Variants in FREM1 observed in about 807,000 individuals in gnomAD.
The protein encoded by FREM1 is FRAS1-related extracellular matrix protein 1.
Under a neutral mutation model 210.1 loss-of-function variants are expected in FREM1, and 220 were observed. That is an observed-to-expected ratio of 1.05 (90% CI 0.94 to 1.17). The LOEUF (loss-of-function observed/expected upper bound fraction) is 1.17. FREM1 is among the 50% of genes most tolerant of loss of function. The pLI, the probability that FREM1 is intolerant of heterozygous loss-of-function variation, is 0.00. For synonymous variants in FREM1, 1,189 were observed against 980.2 expected (o/e 1.21, Z -3.98); for missense variants, 3,454 against 2,675.5 (o/e 1.29, Z -6.42).
intron 6 of FREM1, among the ~76,000 whole-genome samples, chr9:14,850,175 T>C (rs184234261): frequency 6.6e-6 from 1 of 152,182 alleles, no homozygotes; most frequent in African/African-American, 2.4e-5. Flanking sequence ...AGCACTATTA[T>C]GTGGAAGACT....
At position 14,859,184 on chromosome 9, in the gene FREM1, G is replaced by C; in HGVS notation, c.630C>G (p.Ser210=). Residue 210 remains serine, a splice_region_variant and synonymous_variant, in exon 4 of 37, where the codon TCC becomes TCG. Transcript: ENST00000380880. ...GAAAGGCATTAAAAGACATCATACG[G>C]GACTCTGGGAAAAAACTGTGTGGCT... ...GDQPHSFFPE[S]QLRAKLKCPG... The C allele has an allele frequency of 6.4e-7, 1 of 1,571,852 alleles. No homozygotes were observed.
At position 14,882,637 on chromosome 9, in the gene FREM1, TA is replaced by T. The variant is rs543718092; in HGVS notation, c.-267-13394del. 9.0e-3 allele frequency among the ~76,000 whole-genome samples: 1,366 copies of T among 151,464 alleles called. 23 individuals are homozygous for T. Among genetic ancestry groups the T allele is most frequent in the African/African-American group, 0.031 (1,286 of 41,322 alleles). On this transcript the variant is annotated intron_variant, in intron 1 of 36. Coordinates refer to ENST00000380880, the MANE Select transcript of FREM1 (RefSeq NM_001379081.2). ...GCCTGGCTAATTTTTGTATTATTTTTAGTAGAGATGGGGTTTCACCATGTTG... is the reference window on the plus strand; with the variant it reads ...GCCTGGCTAATTTTTGTATTATTTTTGTAGAGATGGGGTTTCACCATGTTG...
intron 10 of FREM1, among the ~76,000 whole-genome samples, chr9:14,840,250 T>C (rs1319115720): frequency 2.0e-5 from 3 of 152,208 alleles, no homozygotes; most frequent in Admixed American, 2.0e-4. Context: ...GGAAATTTGC[T>C]TGGATCCATA....
chr9:14,819,183 C>G, intron 14 of FREM1, 51 bp downstream of exon 14: 2 of 1,328,866 alleles, frequency 1.5e-6, no homozygotes, highest in Non-Finnish European at 2.1e-6. Flanking sequence ...CACAACTGAT[C>G]TAGATAAGAA....
Position 14,808,068 on chromosome 9 carries a change from C to A in FREM1, c.2960G>T (p.Gly987Val). Residue 987 changes from glycine (G) to valine (V), a missense_variant, in exon 17 of 37, where the codon GGC becomes GTC. Physicochemically the swap from Gly to Val is moderately radical, Grantham distance 109. Coordinates refer to ENST00000380880, the MANE Select transcript of FREM1 (RefSeq NM_001379081.2). ...ITLVVSDGEA[G>V]PFVNGCCYNG... is the part of the protein sequence containing the mutation. ...GTAGCAACAGCCATTCACAAAAGGG[C>A]CAGCCTCTCCATCCGAAACCACCAA... 1 of 1,613,442 alleles carries A rather than the reference C, an allele frequency of 6.2e-7. No homozygotes were observed. The highest frequency in any genetic ancestry group is 1.3e-5 in the African/African-American group (1 of 74,994).
rs768144478 is a variant in FREM1 at position 14,825,007 on chromosome 9, T to A, written c.1882-15A>T. 6.5e-7 allele frequency: 1 copy of A among 1,548,774 alleles called. No homozygotes were observed. The highest frequency in any genetic ancestry group is 1.3e-5 in the South Asian group (1 of 79,046). On this transcript the variant is annotated splice_polypyrimidine_tract_variant and intron_variant, in intron 10 of 36. Transcript: ENST00000380880. ...ATTGTTGCCACCTGGAATAAAAATGTCTGTACCATTAATTTGAAATACCAA... is the reference window on the plus strand; with the variant it reads ...ATTGTTGCCACCTGGAATAAAAATGACTGTACCATTAATTTGAAATACCAA...
intron 31 of FREM1, 76 bp downstream of exon 31, chr9:14,748,325 A>T: frequency 2.3e-6 from 2 of 856,884 alleles, no homozygotes; most frequent in Non-Finnish European, 3.7e-6. Flanking sequence ...TCAGTGTTTC[A>T]GAATACTTAT....
intron 11 of FREM1, 26 bp downstream of exon 11, chr9:14,824,770 A>G (rs1446537889): frequency 1.3e-6 from 2 of 1,549,622 alleles, no homozygotes; most frequent in Non-Finnish European, 1.8e-6. Flanking sequence ...TAGAACTAGT[A>G]GCCCAAATGG....
In FREM1 at chr9:14,852,984, T is replaced by C. The variant is rs572245478; in HGVS notation, c.829-1377A>G. Among the ~76,000 whole-genome samples the C allele has an allele frequency of 3.2e-4, 48 of 152,262 alleles. No homozygotes were observed. The South Asian group carries it at 8.5e-3, about 27-fold the overall frequency. On this transcript the variant is annotated intron_variant, in intron 5 of 36. Coordinates refer to ENST00000380880, the MANE Select transcript of FREM1 (RefSeq NM_001379081.2). ...GAACTTTCTTGCCCATATAAGAATA[T>C]AAAAAGATTGAGAAAGGTAAGAAAA...
intron 27 of FREM1, among the ~76,000 whole-genome samples, chr9:14,763,111 A>G (rs979981684): frequency 6.6e-6 from 1 of 152,184 alleles, no homozygotes. Flanking sequence ...TGTGTAACCC[A>G]TGTGGCAATC....
Position 14,823,292 on chromosome 9 carries a change from G to T in FREM1, c.2205C>A (p.Pro735=), listed in dbSNP as rs369807134. 2 of 1,613,824 alleles carry T rather than the reference G, an allele frequency of 1.2e-6. No individual in the cohort carries two copies. Among genetic ancestry groups the T allele is most frequent in the South Asian group, 1.1e-5 (1 of 91,058 alleles). Residue 735 remains proline (P), a synonymous_variant, in exon 13 of 37, where the codon CCC becomes CCA. Coordinates refer to ENST00000380880, the MANE Select transcript of FREM1 (RefSeq NM_001379081.2). The part of the protein sequence containing the change: ...AVNYMKVAYM[P]PMQDIGPHCR... ...AATGGGGACCAATGTCTTGCATGGG[G>T]GGCATGTAGGCCACTTTCATATAGT...
At chr9:14,799,952 C>G in intron 20 of FREM1, among the ~76,000 whole-genome samples, 1 of 123,078 alleles carries the variant, frequency 8.1e-6, no homozygotes, top group South Asian at 3.3e-4. Flanking sequence ...CCCCCCTCCC[C>G]CCACCCCACA....
rs1020533477 is a variant in FREM1 at position 14,740,360 on chromosome 9, T to A, written c.6255-126A>T. On this transcript the variant is annotated intron_variant, in intron 35 of 36. Transcript: ENST00000380880. ...AAAGTAGGTCTTTAAAAAAACTTTC[T>A]AAGATTTTAATAGTGCAGTTTTATT... The A allele has an allele frequency of 1.6e-5, 11 of 683,702 alleles. No homozygotes were observed. In the Admixed American group the frequency reaches 1.9e-4, roughly 12 times the overall value. 42.4% of individuals were successfully genotyped at this position (683,702 alleles called of 1,614,324 possible).
At chr9:14,904,618 T>G (rs1310706341) in intron 1 of FREM1, among the ~76,000 whole-genome samples, 2 of 152,228 alleles carry the variant, frequency 1.3e-5, no homozygotes, top group Non-Finnish European at 2.9e-5. Flanking sequence ...AGGGAGAATG[T>G]GTGAAAGTCT....
At chr9:14,827,054 T>A (rs924844253) in intron 10 of FREM1, among the ~76,000 whole-genome samples, 2 of 152,166 alleles carry the variant, frequency 1.3e-5, no homozygotes, top group African/African-American at 4.8e-5. Flanking sequence ...GCTTTAGAAC[T>A]GGGTAATGGG....
intron 11 of FREM1, among the ~76,000 whole-genome samples, chr9:14,824,342 T>G (rs1365650131): frequency 2.0e-5 from 3 of 152,200 alleles, no homozygotes; most frequent in Non-Finnish European, 4.4e-5. Context: ...CTTGGCATCA[T>G]GTAAGGGAAT....
In FREM1 at chr9:14,836,014, G is replaced by T. The variant is rs1400480858; in HGVS notation, c.1881+5433C>A. Among the ~76,000 whole-genome samples the T allele has an allele frequency of 6.6e-6, 1 of 152,190 alleles. No homozygotes were observed. The highest frequency in any genetic ancestry group is 1.5e-5 in the Non-Finnish European group (1 of 68,026). On this transcript the variant is annotated intron_variant, in intron 10 of 36. Transcript: ENST00000380880. This position sits in a 1 kb window ranked among gnomAD's most constrained non-coding sequence, Gnocchi z 4.9. ...GTAACGTCAAAATGTGAATCAATAT[G>T]CTAGTTCTGGGCAATTATCTTGCAA... is the stretch of plus-strand genomic sequence containing the variant.
At chr9:14,862,003 G>A (rs530285376) in intron 3 of FREM1, among the ~76,000 whole-genome samples, 9 of 152,238 alleles carry the variant, frequency 5.9e-5, no homozygotes, top group South Asian at 4.2e-4. Flanking sequence ...CCCGCTCCGC[G>A]CAAGTTCTTT....
intron 27 of FREM1, among the ~76,000 whole-genome samples, chr9:14,768,175 C>T (rs1846799047): frequency 6.6e-6 from 1 of 152,092 alleles, no homozygotes; most frequent in African/African-American, 2.4e-5. Context: ...CTGTCAGCTA[C>T]ACTGCGCTCA....
Sources: allele counts gnomAD v4.1 joint callset (sites outside exome capture counted in the v4.1 genomes callset), GRCh38; gene constraint gnomAD v4.1.1; non-coding constraint Gnocchi (gnomAD v3.1); transcripts MANE v1.5; gene names NCBI Gene and HGNC (gene_info 2026-07-23, HGNC 2026-07-21).